The following TMTC2 variants were observed in gnomAD, a reference collection of about 807,000 sequenced individuals.
The protein encoded by TMTC2 is transmembrane O-mannosyltransferase targeting cadherins 2.
In TMTC2, 43 loss-of-function variants were observed where a neutral mutation model predicts 82.4. The observed-to-expected ratio is 0.52, with a 90% CI of 0.41 to 0.67. The LOEUF is 0.67. TMTC2 is among the 30% of genes least tolerant of loss of function. TMTC2 has a pLI of 0.00. For synonymous variants in TMTC2, 408 were observed against 381.9 expected, an observed-to-expected ratio of 1.07 and a Z score of -0.80; for missense variants, 919 against 1,012.4, an observed-to-expected ratio of 0.91 and a Z score of 1.25.
At position 82,905,860 on chromosome 12, in the gene TMTC2, G is replaced by A. The variant is rs568622094; in HGVS notation, c.1483+9214G>A. On this transcript the variant is annotated intron_variant, in intron 3 of 11. Coordinates refer to ENST00000321196, the MANE Select transcript of TMTC2 (RefSeq NM_152588.3). ...CTCGGGAGGCTGAGGCAGGAGAATCGCTTGAACCCAGGAGGCAGAGGTTGC... is the reference window on the plus strand; with the variant it reads ...CTCGGGAGGCTGAGGCAGGAGAATCACTTGAACCCAGGAGGCAGAGGTTGC... Among the ~76,000 whole-genome samples, 397 of 151,434 alleles carry A rather than the reference G, an allele frequency of 2.6e-3. 2 individuals carry two copies. The highest frequency in any genetic ancestry group is 8.9e-3 in the African/African-American group (368 of 41,262).
intron 3 of TMTC2, among the ~76,000 whole-genome samples, chr12:82,905,097 G>A (rs1874223605): frequency 6.8e-6 from 1 of 146,678 alleles, no homozygotes; most frequent in African/African-American, 2.5e-5. Flanking sequence ...TCTAAGTTAT[G>A]TTCTTTGTGA....
At chr12:83,024,708 T>G (rs555204819) in intron 8 of TMTC2, among the ~76,000 whole-genome samples, 1 of 152,306 alleles carries the variant, frequency 6.6e-6, no homozygotes, top group East Asian at 1.9e-4. Context: ...AATCACCAAT[T>G]AAGATACAAA....
At chr12:83,057,851 G>T in intron 10 of TMTC2, among the ~76,000 whole-genome samples, 1 of 151,826 alleles carries the variant, frequency 6.6e-6, no homozygotes, top group Admixed American at 6.6e-5. Context: ...ATCAATAATT[G>T]TAGTTAGAGA....
At chr12:82,869,710 G>T (rs1281396413) in intron 2 of TMTC2, among the ~76,000 whole-genome samples, 1 of 151,800 alleles carries the variant, frequency 6.6e-6, no homozygotes, top group Non-Finnish European at 1.5e-5. Flanking sequence ...GCAGTGGTGT[G>T]CACCTGTAAT....
intron 1 of TMTC2, among the ~76,000 whole-genome samples, chr12:82,762,378 T>C (rs1876701649): frequency 6.6e-6 from 1 of 152,172 alleles, no homozygotes; most frequent in Non-Finnish European, 1.5e-5. Context: ...GCAGTTCTAC[T>C]GTAGAGCCAT....
At chr12:82,958,457 G>A (rs573398170) in intron 4 of TMTC2, among the ~76,000 whole-genome samples, 1 of 151,416 alleles carries the variant, frequency 6.6e-6, no homozygotes, top group African/African-American at 2.4e-5. Flanking sequence ...ACTGAATTGT[G>A]CAGTACATTA....
At chr12:82,907,234 C>T (rs934913291) in intron 3 of TMTC2, among the ~76,000 whole-genome samples, 6 of 151,658 alleles carry the variant, frequency 4.0e-5, no homozygotes, top group African/African-American at 1.2e-4. Flanking sequence ...GAGGCCAAGT[C>T]GGGTGAATCA....
chr12:82,690,289 G>A, intron 1 of TMTC2: 1 of 722,312 alleles, frequency 1.4e-6, no homozygotes, highest in Non-Finnish European at 1.7e-6. Flanking sequence ...AACTAGACCT[G>A]TGGATTCTGC....
intron 8 of TMTC2, among the ~76,000 whole-genome samples, chr12:83,012,689 C>T (rs892906981): frequency 6.6e-6 from 1 of 152,032 alleles, no homozygotes; most frequent in African/African-American, 2.4e-5. Flanking sequence ...ATGTGTTTTG[C>T]TCTGATAGTC....
chr12:82,732,869 A>G (rs573026131), intron 1 of TMTC2, among the ~76,000 whole-genome samples: 17 of 152,216 alleles, frequency 1.1e-4, no homozygotes, highest in South Asian at 2.1e-4. Context: ...TTTCTCTTAG[A>G]TGCTATCCAA....
At chr12:82,864,962 C>T (rs1272541155) in intron 2 of TMTC2, among the ~76,000 whole-genome samples, 1 of 150,818 alleles carries the variant, frequency 6.6e-6, no homozygotes, top group Non-Finnish European at 1.5e-5. Flanking sequence ...CGCCTGTAAT[C>T]CCAGCACTTT....
At chr12:83,041,422 A>AT (rs1881891725) in intron 9 of TMTC2, among the ~76,000 whole-genome samples, 1 of 152,196 alleles carries the variant, frequency 6.6e-6, no homozygotes, top group African/African-American at 2.4e-5. Context: ...GTAAGGATTT[A>AT]TTTACGGTTT....
At chr12:83,009,990 A>T (rs571080385) in intron 8 of TMTC2, among the ~76,000 whole-genome samples, 2 of 152,206 alleles carry the variant, frequency 1.3e-5, no homozygotes, top group Non-Finnish European at 2.9e-5. Context: ...GAGCTCAAGT[A>T]GTAATGTGAG....
Position 82,990,656 on chromosome 12 carries a change from G to C in TMTC2, c.2070+4610G>C, listed in dbSNP as rs184514603. 3.6e-3 allele frequency among the ~76,000 whole-genome samples: 541 copies of C among 151,858 alleles called. 6 individuals carry two copies. The highest frequency in any genetic ancestry group is 0.03 in the Admixed American group (452 of 15,232). On this transcript the variant is annotated intron_variant, in intron 8 of 11. Coordinates refer to ENST00000321196, the MANE Select transcript of TMTC2 (RefSeq NM_152588.3). ...ACACATACATATGTGTCTGTTTTTT[G>C]ACACTAGATATGGGGCAGGGGGTGA...
intron 2 of TMTC2, among the ~76,000 whole-genome samples, chr12:82,892,422 C>T (rs1039179884): frequency 1.3e-5 from 2 of 152,166 alleles, no homozygotes; most frequent in African/African-American, 4.8e-5. Context: ...AATATGACCA[C>T]ATCTGGAATC....
At chr12:82,702,406 G>A (rs1013378071) in intron 1 of TMTC2, among the ~76,000 whole-genome samples, 2 of 152,022 alleles carry the variant, frequency 1.3e-5, no homozygotes, top group Non-Finnish European at 2.9e-5. Flanking sequence ...CTGTTCTTTG[G>A]CATATTTTTA....
intron 9 of TMTC2, among the ~76,000 whole-genome samples, chr12:83,050,326 T>C (rs1365853179): frequency 7.3e-6 from 1 of 136,088 alleles, no homozygotes; most frequent in Non-Finnish European, 1.7e-5. Flanking sequence ...GGGATAGCAT[T>C]ATATAATAAT....
At chr12:82,793,065 C>T (rs1404375513) in intron 1 of TMTC2, among the ~76,000 whole-genome samples, 1 of 152,078 alleles carries the variant, frequency 6.6e-6, no homozygotes, top group Non-Finnish European at 1.5e-5. Flanking sequence ...AGAATGAATA[C>T]ACACATATGC....
At chr12:82,915,022 T>C (rs1277950729) in intron 3 of TMTC2, among the ~76,000 whole-genome samples, 1 of 151,926 alleles carries the variant, frequency 6.6e-6, no homozygotes, top group African/African-American at 2.4e-5. Context: ...ATGGTGTTTC[T>C]CCATGTTGGT....
Sources: gnomAD v4.1 joint callset for allele counts (sites outside exome capture counted in the v4.1 genomes callset) on GRCh38, gnomAD v4.1.1 for gene constraint, MANE v1.5 for transcripts, NCBI Gene and HGNC (gene_info 2026-07-23, HGNC 2026-07-21) for gene names.